Variants in KCNJ15 observed in about 807,000 individuals in gnomAD.
KCNJ15 encodes ATP-sensitive inward rectifier potassium channel 15.
Under a neutral mutation model 23.0 loss-of-function variants are expected in KCNJ15, and 14 were observed. The ratio of observed to expected loss-of-function variants is 0.61; its 90% CI spans 0.40 to 0.95. The LOEUF is 0.95. KCNJ15 is among the 40% of genes least tolerant of loss of function. KCNJ15 has a pLI of 0.00. For missense variants in KCNJ15, 388 were observed against 461.8 expected (o/e 0.84, Z 1.46); for synonymous variants, 185 against 183.2 (o/e 1.01, Z -0.08).
chr21:38,240,447 C>G (rs2836234), intron 1 of KCNJ15, among the ~76,000 whole-genome samples: 70,237 of 151,988 alleles, frequency 0.46, 17,025 homozygotes, highest in East Asian at 0.86. Context: ...AGTTTTTCTT[C>G]AGTTCAAGTA....
chr21:38,302,505 T>A lies in KCNJ15; in HGVS notation c.*2116T>A, dbSNP rs1176872567. 1 of 142,414 alleles carries A rather than the reference T, an allele frequency of 7.0e-6. No individual in the cohort carries two copies. The highest frequency in any genetic ancestry group is 2.7e-5 in the African/African-American group (1 of 37,720). 8.8% of individuals were successfully genotyped at this position (142,414 alleles called of 1,614,324 possible). On this transcript the variant is annotated 3_prime_UTR_variant, in exon 3 of 3. Coordinates refer to ENST00000398938, the MANE Select transcript of KCNJ15 (RefSeq NM_170736.3). ...AGGTTTTTTTTTCCTTGTCTGTTGA[T>A]AATTTTATGGAAGGTTGCTTTAGAT...
chr21:38,244,869 A>G (rs1979254767), intron 1 of KCNJ15, among the ~76,000 whole-genome samples: 1 of 152,198 alleles, frequency 6.6e-6, no homozygotes, highest in Non-Finnish European at 1.5e-5. Context: ...AATGACTACC[A>G]GCAGGTACTC....
chr21:38,268,550 G>GAAAAAAAAAAAAAA (rs576709021), intron 1 of KCNJ15, among the ~76,000 whole-genome samples: 2 of 47,232 alleles, frequency 4.2e-5, no homozygotes, highest in Non-Finnish European at 1.0e-4. Flanking sequence ...CTTAAAATCT[G>GAAAAAAAAAAAAAA]AAAAAAAAAA....
intron 1 of KCNJ15, among the ~76,000 whole-genome samples, chr21:38,258,844 G>A (rs896737755): frequency 1.3e-5 from 2 of 152,144 alleles, no homozygotes; most frequent in Non-Finnish European, 2.9e-5. Context: ...CAGACAGCCA[G>A]TGTTTTGGGG....
At chr21:38,264,524 A>G (rs1456749772) in intron 1 of KCNJ15, among the ~76,000 whole-genome samples, 3 of 152,254 alleles carry the variant, frequency 2.0e-5, no homozygotes, top group African/African-American at 7.2e-5. Context: ...GGCATGGCCC[A>G]AGGTATTCTT....
intron 1 of KCNJ15, among the ~76,000 whole-genome samples, chr21:38,290,995 A>AACACAC (rs57018976): frequency 7.8e-4 from 99 of 127,262 alleles, no homozygotes; most frequent in African/African-American, 2.3e-3. Context: ...AAAAAGGCTA[A>AACACAC]ACACACACAC....
rs116787822 is a variant in KCNJ15 at position 38,282,519 on chromosome 21, C to T, written c.-116-14407C>T. ...TGTGCTACGAATCAGAATAGGAAGA[C>T]GAAATCTTTATTTCTAATTGAATTG... On this transcript the variant is annotated intron_variant, in intron 1 of 2. Transcript: ENST00000398938. Among the ~76,000 whole-genome samples the T allele has an allele frequency of 4.8e-3, 726 of 152,230 alleles. 7 individuals carry two copies. The highest frequency in any genetic ancestry group is 0.016 in the African/African-American group (683 of 41,506).
At chr21:38,298,684 C>T (rs954958825) in intron 2 of KCNJ15, among the ~76,000 whole-genome samples, 3 of 152,162 alleles carry the variant, frequency 2.0e-5, no homozygotes, top group African/African-American at 4.8e-5. Flanking sequence ...TGTATACTAA[C>T]ATTCTCCATA....
At chr21:38,266,213 G>A (rs1338824668) in intron 1 of KCNJ15, among the ~76,000 whole-genome samples, 1 of 152,066 alleles carries the variant, frequency 6.6e-6, no homozygotes, top group Non-Finnish European at 1.5e-5. Flanking sequence ...AGGTATACAC[G>A]CGCCATGGTG....
Position 38,300,964 on chromosome 21 carries a change from A to T in KCNJ15, c.*575A>T, listed in dbSNP as rs973389450. Reference sequence around the variant, plus strand: ...ATTTTTACCTTTCTTCAGTGGACTGAATTGTATGGAAGGAAATTGATCAGA... The same window carrying T: ...ATTTTTACCTTTCTTCAGTGGACTGTATTGTATGGAAGGAAATTGATCAGA... On this transcript the variant is annotated 3_prime_UTR_variant, in exon 3 of 3. Transcript: ENST00000398938. The T allele has an allele frequency of 6.0e-6, 1 of 167,174 alleles. No homozygotes were observed. The highest frequency in any genetic ancestry group is 1.5e-5 in the Non-Finnish European group (1 of 68,222). 10.4% of individuals were successfully genotyped at this position (167,174 alleles called of 1,614,324 possible).
upstream of KCNJ15, among the ~76,000 whole-genome samples, chr21:38,254,522 C>T (rs2123588854): frequency 6.6e-6 from 1 of 152,270 alleles, no homozygotes; most frequent in Middle Eastern, 3.4e-3. Flanking sequence ...CCTGCAAGAA[C>T]TAAAACTTCC....
intron 1 of KCNJ15, among the ~76,000 whole-genome samples, chr21:38,264,732 A>G (rs1479247738): frequency 1.3e-5 from 2 of 152,240 alleles, no homozygotes; most frequent in Non-Finnish European, 2.9e-5. Context: ...GGTGAATATT[A>G]CAAAGTGATA....
chr21:38,269,519 TA>T (rs1447520559), intron 1 of KCNJ15, among the ~76,000 whole-genome samples: 1 of 152,102 alleles, frequency 6.6e-6, no homozygotes, highest in African/African-American at 2.4e-5. Flanking sequence ...ACAGAAACAT[TA>T]AAAAAGTAAC....
At chr21:38,298,887 A>G (rs1269916567) in intron 2 of KCNJ15, among the ~76,000 whole-genome samples, 2 of 152,236 alleles carry the variant, frequency 1.3e-5, no homozygotes, top group Non-Finnish European at 1.5e-5. Flanking sequence ...TTGAAACACA[A>G]GGCTCTGTTT....
intron 1 of KCNJ15, among the ~76,000 whole-genome samples, chr21:38,277,593 A>G (rs1982856674): frequency 6.6e-6 from 1 of 151,916 alleles, no homozygotes; most frequent in Non-Finnish European, 1.5e-5. Context: ...GATTCACGGC[A>G]TAAGAGTCAT....
At chr21:38,289,916 C>T (rs1984408058) in intron 1 of KCNJ15, among the ~76,000 whole-genome samples, 1 of 152,096 alleles carries the variant, frequency 6.6e-6, no homozygotes, top group Non-Finnish European at 1.5e-5. Context: ...CCAAGTTCTT[C>T]GCATGTTGGA....
At chr21:38,295,344 T>C (rs1985034007) in intron 1 of KCNJ15, among the ~76,000 whole-genome samples, 1 of 152,212 alleles carries the variant, frequency 6.6e-6, no homozygotes, top group Admixed American at 6.5e-5. Flanking sequence ...CAACAGTTGT[T>C]GGCCAGAGAT....
chr21:38,277,968 GCCCAACCCCTGC>G, intron 1 of KCNJ15, among the ~76,000 whole-genome samples: 1 of 152,240 alleles, frequency 6.6e-6, no homozygotes, highest in Admixed American at 6.5e-5. Flanking sequence ...GGTGGACATG[GCCCAACCCCTGC>G]CCTCAAAGAA....
At chr21:38,268,359 T>C (rs1981682099) in intron 1 of KCNJ15, among the ~76,000 whole-genome samples, 1 of 151,960 alleles carries the variant, frequency 6.6e-6, no homozygotes, top group Admixed American at 6.6e-5. Flanking sequence ...AGTGCTGTAC[T>C]GTGATTAAGC....
Sources: gnomAD v4.1 joint callset for allele counts (sites outside exome capture counted in the v4.1 genomes callset) on GRCh38, gnomAD v4.1.1 for gene constraint, MANE v1.5 for transcripts, NCBI Gene and HGNC (gene_info 2026-07-23, HGNC 2026-07-21) for gene names.